Variants in NAALADL2 observed in about 807,000 individuals in gnomAD.
NAALADL2 encodes the protein inactive N-acetylated-alpha-linked acidic dipeptidase-like protein 2.
Under a neutral mutation model 87.2 loss-of-function variants are expected in NAALADL2, and 76 were observed. That is an observed-to-expected ratio of 0.87 (90% CI 0.72 to 1.05). NAALADL2 has a LOEUF of 1.05. Ranked by LOEUF, NAALADL2 falls within the 50% of genes least tolerant of loss-of-function variation. The probability of loss-of-function intolerance (pLI) is 0.00; values close to 1 mark genes in which losing one functional copy is unlikely to be tolerated. For missense variants in NAALADL2, 1,089 were observed against 945.8 expected, an observed-to-expected ratio of 1.15 and a Z score of -1.99; for synonymous variants, 354 against 331.0, an observed-to-expected ratio of 1.07 and a Z score of -0.75.
At chr3:174,554,934 A>G (rs1383722650) in intron 2 of NAALADL2, among the ~76,000 whole-genome samples, 1 of 152,200 alleles carries the variant, frequency 6.6e-6, no homozygotes, top group Non-Finnish European at 1.5e-5. Flanking sequence ...CCCATTTCTC[A>G]TAGATGGTGT....
rs529839305 is a variant in NAALADL2 at position 175,509,386 on chromosome 3, A to G, written c.1653+37628A>G. On this transcript the variant is annotated intron_variant, in intron 9 of 13. Coordinates refer to ENST00000454872, the MANE Select transcript of NAALADL2 (RefSeq NM_207015.3). Reference sequence around the variant, plus strand: ...TGTAGGGCTTCAGATAGTGATTCCAACGTGAACATCTCTCTTATTCTTCCT... The same window carrying G: ...TGTAGGGCTTCAGATAGTGATTCCAGCGTGAACATCTCTCTTATTCTTCCT... 5.9e-5 allele frequency among the ~76,000 whole-genome samples: 9 copies of G among 152,284 alleles called. No homozygotes were observed. In the East Asian group the frequency reaches 1.7e-3, roughly 29 times the overall value.
chr3:175,658,027 A>C (rs905635173), intron 11 of NAALADL2, among the ~76,000 whole-genome samples: 1 of 152,054 alleles, frequency 6.6e-6, no homozygotes, highest in Non-Finnish European at 1.5e-5. Flanking sequence ...GTATGCATAC[A>C]CATATTTTTA....
intron 13 of NAALADL2, among the ~76,000 whole-genome samples, chr3:175,770,156 A>G (rs765382020): frequency 6.6e-6 from 1 of 152,198 alleles, no homozygotes; most frequent in Non-Finnish European, 1.5e-5. Context: ...CACTACATTG[A>G]CACGTAAAAT....
intron 1 of NAALADL2, among the ~76,000 whole-genome samples, chr3:174,988,009 T>G (rs79954795): frequency 0.024 from 3,673 of 151,554 alleles, 137 homozygotes; most frequent in African/African-American, 0.084. Context: ...TTTGATAAAC[T>G]GTAAAATAAG....
intron 1 of NAALADL2, among the ~76,000 whole-genome samples, chr3:175,047,688 T>C (rs1410277114): frequency 6.6e-6 from 1 of 152,186 alleles, no homozygotes; most frequent in Non-Finnish European, 1.5e-5. Flanking sequence ...ATCAGATTAA[T>C]TTTTCCTTTA....
At chr3:174,653,185 A>T (rs946351045) in intron 2 of NAALADL2, among the ~76,000 whole-genome samples, 1 of 152,214 alleles carries the variant, frequency 6.6e-6, no homozygotes, top group Non-Finnish European at 1.5e-5. Flanking sequence ...TCCAACATAC[A>T]TATTTTTCCT....
intron 2 of NAALADL2, among the ~76,000 whole-genome samples, chr3:174,711,044 A>G (rs1054315974): frequency 2.6e-5 from 4 of 152,200 alleles, no homozygotes; most frequent in Non-Finnish European, 5.9e-5. Flanking sequence ...AGTGCAATTT[A>G]TAAGAGTTCT....
chr3:175,428,298 AC>A (rs1334226821), intron 5 of NAALADL2, among the ~76,000 whole-genome samples: 4 of 152,134 alleles, frequency 2.6e-5, no homozygotes, highest in Non-Finnish European at 4.4e-5. Context: ...TTTGAAGAAA[AC>A]GAAACTCCTT....
chr3:175,690,807 TAAAC>T (rs372685400), intron 11 of NAALADL2, among the ~76,000 whole-genome samples: 197 of 152,138 alleles, frequency 1.3e-3, no homozygotes, highest in African/African-American at 4.5e-3. Flanking sequence ...AGCATTGTAT[TAAAC>T]AAGCTGTCTT....
chr3:175,668,826 A>C (rs1411635137), intron 11 of NAALADL2, among the ~76,000 whole-genome samples: 1 of 152,180 alleles, frequency 6.6e-6, no homozygotes, highest in African/African-American at 2.4e-5. Flanking sequence ...AATATAGTTA[A>C]GAGACAGTCT....
intron 11 of NAALADL2, among the ~76,000 whole-genome samples, chr3:175,650,506 A>G (rs979193498): frequency 6.6e-6 from 1 of 152,204 alleles, no homozygotes; most frequent in South Asian, 2.1e-4. Context: ...CTATACCTCA[A>G]TAAAGCTTTA....
At chr3:175,454,770 G>A (rs1469205499) in intron 6 of NAALADL2, among the ~76,000 whole-genome samples, 2 of 151,946 alleles carry the variant, frequency 1.3e-5, no homozygotes, top group African/African-American at 4.8e-5. Context: ...TGATATCCTA[G>A]CCCACCATAT....
At chr3:175,201,776 T>C (rs1248994988) in intron 2 of NAALADL2, among the ~76,000 whole-genome samples, 1 of 149,228 alleles carries the variant, frequency 6.7e-6, no homozygotes, top group African/African-American at 2.5e-5. Flanking sequence ...TGTTATTCAA[T>C]TGAGGGTACT....
intron 1 of NAALADL2, among the ~76,000 whole-genome samples, chr3:174,468,819 G>A (rs991615439): frequency 2.0e-5 from 3 of 148,694 alleles, no homozygotes; most frequent in Non-Finnish European, 4.4e-5. Context: ...CTGGAGTGCA[G>A]TGGCGCGATC....
At chr3:175,635,255 A>G (rs528511371) in intron 11 of NAALADL2, among the ~76,000 whole-genome samples, 7 of 152,202 alleles carry the variant, frequency 4.6e-5, no homozygotes, top group Admixed American at 4.6e-4. Flanking sequence ...TCAAAAGTGA[A>G]TTATTACACA....
intron 4 of NAALADL2, among the ~76,000 whole-genome samples, chr3:175,285,259 GT>G (rs1258841293): frequency 6.6e-6 from 1 of 152,058 alleles, no homozygotes; most frequent in East Asian, 1.9e-4. Context: ...TTGGTTACTT[GT>G]TTTTTAAAAA....
chr3:175,735,061 C>T (rs1360272336), intron 11 of NAALADL2, among the ~76,000 whole-genome samples: 2 of 152,208 alleles, frequency 1.3e-5, no homozygotes, highest in East Asian at 3.9e-4. Context: ...CAAGTCATCT[C>T]TTGAATGCTC....
intron 1 of NAALADL2, among the ~76,000 whole-genome samples, chr3:174,976,045 CA>C (rs1192397971): frequency 6.6e-6 from 1 of 152,042 alleles, no homozygotes; most frequent in African/African-American, 2.4e-5. Context: ...TGTTATGCAA[CA>C]ACAACAAAAA....
At chr3:175,120,404 G>A (rs192371735) in intron 2 of NAALADL2, among the ~76,000 whole-genome samples, 1 of 151,868 alleles carries the variant, frequency 6.6e-6, no homozygotes, top group Non-Finnish European at 1.5e-5. Context: ...CTGGTCTTCT[G>A]TATTTAGCAG....
Sources: gnomAD v4.1 joint callset for allele counts (sites outside exome capture counted in the v4.1 genomes callset) on GRCh38, gnomAD v4.1.1 for gene constraint, MANE v1.5 for transcripts, NCBI Gene and HGNC (gene_info 2026-07-23, HGNC 2026-07-21) for gene names.